PTPN4: variants seen among roughly 807,000 people sequenced by gnomAD.
PTPN4 encodes tyrosine-protein phosphatase non-receptor type 4.
A neutral mutation model predicts 135.5 loss-of-function variants in PTPN4; 49 were observed. The observed-to-expected ratio is 0.36, with a 90% CI of 0.29 to 0.46. The LOEUF is 0.46. Ranked by LOEUF, PTPN4 falls within the 20% of genes least tolerant of loss-of-function variation. The pLI is 1.00. For missense variants in PTPN4, 860 were observed against 1,101.0 expected, an observed-to-expected ratio of 0.78 and a Z score of 3.10; for synonymous variants, 333 against 369.9, an observed-to-expected ratio of 0.90 and a Z score of 1.14.
chr2:119,791,630 A>G (rs1691150677), intron 1 of PTPN4, among the ~76,000 whole-genome samples: 1 of 152,046 alleles, frequency 6.6e-6, no homozygotes. Context: ...TCTAACCTTC[A>G]TGTTTCTGGA....
intron 1 of PTPN4, among the ~76,000 whole-genome samples, chr2:119,803,171 C>A (rs1031441918): frequency 4.0e-5 from 6 of 151,892 alleles, no homozygotes; most frequent in African/African-American, 1.5e-4. Context: ...TTTTTATTTT[C>A]TTTAATTTCA....
intron 2 of PTPN4, among the ~76,000 whole-genome samples, chr2:119,852,332 C>T (rs1028068512): frequency 6.6e-6 from 1 of 152,242 alleles, no homozygotes; most frequent in Non-Finnish European, 1.5e-5. Context: ...GACACAGAAA[C>T]AGGAGCTGTG....
intron 2 of PTPN4, among the ~76,000 whole-genome samples, chr2:119,857,716 G>A (rs1317721342): frequency 6.6e-6 from 1 of 152,036 alleles, no homozygotes; most frequent in East Asian, 1.9e-4. Context: ...ATTTTTCTGA[G>A]AATATTATCA....
chr2:119,879,763 C>A (rs1055470210), intron 5 of PTPN4, among the ~76,000 whole-genome samples: 3 of 152,016 alleles, frequency 2.0e-5, no homozygotes, highest in Non-Finnish European at 2.9e-5. Flanking sequence ...CTAGTTTAGA[C>A]CCCAGGAAAC....
At position 119,982,989 on chromosome 2, in the gene PTPN4, G is replaced by T. The variant is rs190381797; in HGVS notation, c.*5919G>T. ...CGTGCAACAGCTGCTTTAAAAGGTG[G>T]TATTTATTATTCATCACTCATGAAA... On this transcript the variant is annotated 3_prime_UTR_variant, in exon 27 of 27. Transcript: ENST00000263708. The T allele has an allele frequency of 6.6e-6, 1 of 152,224 alleles. No homozygotes were observed. Among genetic ancestry groups the T allele is most frequent in the Non-Finnish European group, 1.5e-5 (1 of 68,016 alleles). 9.4% of individuals were successfully genotyped at this position (152,224 alleles called of 1,614,324 possible).
intron 3 of PTPN4, among the ~76,000 whole-genome samples, chr2:119,864,302 G>C (rs1162656866): frequency 2.0e-5 from 3 of 152,056 alleles, no homozygotes; most frequent in Non-Finnish European, 4.4e-5. Flanking sequence ...AGATGTGACT[G>C]CTGTTACTTT....
In PTPN4 at chr2:119,977,049, A is replaced by G. The variant is rs1462115301; in HGVS notation, c.2760A>G (p.Leu920=). ...KVYEEGFVKP[L]TTSTNK ...ATGAAGAAGGCTTTGTTAAACCCTT[A>G]ACAACATCAACAAATAAATAAGAAA... Residue 920 remains leucine (L), a synonymous_variant, in exon 27 of 27, where the codon TTA becomes TTG. Coordinates refer to ENST00000263708, the MANE Select transcript of PTPN4 (RefSeq NM_002830.4). 6.3e-7 allele frequency: 1 copy of G among 1,597,262 alleles called. No homozygotes were observed. The highest frequency in any genetic ancestry group is 8.5e-7 in the Non-Finnish European group (1 of 1,175,474).
At chr2:119,889,593 CA>C (rs763554099) in intron 9 of PTPN4, among the ~76,000 whole-genome samples, 11 of 151,824 alleles carry the variant, frequency 7.2e-5, no homozygotes, top group Admixed American at 2.0e-4. Context: ...ATTTATCCAT[CA>C]TTTTTTTTAT....
intron 13 of PTPN4, among the ~76,000 whole-genome samples, 178 bp downstream of exon 13, chr2:119,926,844 A>G (rs1193507516): frequency 6.6e-6 from 1 of 152,100 alleles, no homozygotes; most frequent in Non-Finnish European, 1.5e-5. Flanking sequence ...TAGCTTGTCT[A>G]GTTTATTGAT....
chr2:119,854,562 C>G (rs2104982190), intron 2 of PTPN4, among the ~76,000 whole-genome samples: 1 of 152,264 alleles, frequency 6.6e-6, no homozygotes, highest in East Asian at 1.9e-4. Flanking sequence ...TAGGGTTCCT[C>G]TTGGAGTCGA....
chr2:119,858,630 T>C (rs561264658), intron 2 of PTPN4, among the ~76,000 whole-genome samples: 1 of 152,176 alleles, frequency 6.6e-6, no homozygotes, highest in Admixed American at 6.5e-5. Context: ...ATCTTTTTAT[T>C]TTTTCAGTCT....
At position 119,847,230 on chromosome 2, in the gene PTPN4, TTATAC is replaced by T. The variant is rs1191970600; in HGVS notation, c.139-15301_139-15297del. Reference sequence around the variant, plus strand: ...ATACACACATATGGTTTTATACTATTTATACTATAATAAATCAGTTAAGAAAAAAA... The same window carrying T: ...ATACACACATATGGTTTTATACTATTTATAATAAATCAGTTAAGAAAAAAA... On this transcript the variant is annotated intron_variant, in intron 2 of 26. Transcript: ENST00000263708. 4.1e-5 allele frequency among the ~76,000 whole-genome samples: 6 copies of T among 146,422 alleles called. No individual in the cohort carries two copies. The East Asian group carries it at 1.2e-3, about 29-fold the overall frequency.
intron 1 of PTPN4, among the ~76,000 whole-genome samples, chr2:119,792,489 G>A (rs1022558891): frequency 6.6e-6 from 1 of 152,176 alleles, no homozygotes; most frequent in Non-Finnish European, 1.5e-5. Flanking sequence ...ACAATGCATA[G>A]CTGAATTGTT....
At chr2:119,825,771 C>G (rs1262391230) in intron 2 of PTPN4, among the ~76,000 whole-genome samples, 8 of 152,132 alleles carry the variant, frequency 5.3e-5, no homozygotes, top group Non-Finnish European at 1.0e-4. Context: ...GCTAGGATTA[C>G]AGGTGTGAGC....
chr2:119,899,880 C>A (rs4353662), intron 9 of PTPN4, among the ~76,000 whole-genome samples: 1 of 152,008 alleles, frequency 6.6e-6, no homozygotes, highest in East Asian at 1.9e-4. Context: ...GTTATTGATA[C>A]TATAAAGTAT....
At chr2:119,914,612 A>G (rs1410863483) in intron 10 of PTPN4, among the ~76,000 whole-genome samples, 1 of 152,162 alleles carries the variant, frequency 6.6e-6, no homozygotes, top group Non-Finnish European at 1.5e-5. Context: ...AAGAAAGATC[A>G]AATCTCTTTA....
At chr2:119,924,278 C>CT (rs1266658598) in intron 12 of PTPN4, among the ~76,000 whole-genome samples, 1 of 150,818 alleles carries the variant, frequency 6.6e-6, no homozygotes, top group Non-Finnish European at 1.5e-5. Flanking sequence ...GAATGGCAGT[C>CT]TTTTTTATCT....
chr2:119,976,906 G>A (rs1315339733), intron 26 of PTPN4, 78 bp from the exon 27 acceptor site: 1 of 1,537,618 alleles, frequency 6.5e-7, no homozygotes, highest in Admixed American at 2.4e-5. Flanking sequence ...CAAGTGAGAT[G>A]TTTGTCTTTT....
chr2:119,876,579 A>G (rs1329400938), intron 3 of PTPN4, among the ~76,000 whole-genome samples: 1 of 152,144 alleles, frequency 6.6e-6, no homozygotes, highest in Non-Finnish European at 1.5e-5. Context: ...TACCACATCT[A>G]GTACCTCATT....
Sources: gnomAD v4.1 joint callset for allele counts (sites outside exome capture counted in the v4.1 genomes callset) on GRCh38, gnomAD v4.1.1 for gene constraint, MANE v1.5 for transcripts, NCBI Gene and HGNC (gene_info 2026-07-23, HGNC 2026-07-21) for gene names.